The following PCDHA4 variants were observed in gnomAD, a reference collection of about 807,000 sequenced individuals.
The protein encoded by PCDHA4 is protocadherin alpha-4.
PCDHA4 carries 49 observed loss-of-function variants against 61.4 expected under a neutral mutation model. The observed-to-expected ratio is 0.80, with a 90% CI of 0.63 to 1.01. The LOEUF (loss-of-function observed/expected upper bound fraction) is 1.01, where lower values mean the gene tolerates loss of function less well. Ranked by LOEUF, PCDHA4 falls within the 50% of genes least tolerant of loss-of-function variation. PCDHA4 has a pLI of 0.00. For missense variants in PCDHA4, 1,254 were observed against 1,235.8 expected (o/e 1.01, Z -0.22); for synonymous variants, 590 against 550.3 (o/e 1.07, Z -1.01).
At chr5:140,844,914 A>G (rs1779618781) in intron 1 of PCDHA4, among the ~76,000 whole-genome samples, 1 of 149,422 alleles carries the variant, frequency 6.7e-6, no homozygotes, top group African/African-American at 2.5e-5. Context: ...AATGGTAGAA[A>G]TTGATGGAAG....
intron 1 of PCDHA4, chr5:140,877,170 G>A (rs782615376): frequency 6.2e-7 from 1 of 1,613,712 alleles, no homozygotes. Flanking sequence ...CGGCACTGCT[G>A]GCGACTCCGG....
rs1413393487 is a variant in PCDHA4, at chr5:140,941,341, G to T, written c.2386-37608G>T. On this transcript the variant is annotated intron_variant, in intron 1 of 3. Coordinates refer to ENST00000530339, the MANE Select transcript of PCDHA4 (RefSeq NM_018907.4). ...TCTCTTTTTTTTTTTTTTTCAGATG[G>T]AGTCTTGCTCTGTTGCCTAGGCTGG... Among the ~76,000 whole-genome samples the T allele has an allele frequency of 2.5e-5, 3 of 119,500 alleles. No homozygotes were observed. The East Asian group carries it at 8.2e-4, about 33-fold the overall frequency. 78.4% of individuals were successfully genotyped at this position (119,500 alleles called of 152,430 possible).
chr5:140,857,383 C>T (rs781834606), intron 1 of PCDHA4: 2 of 1,598,150 alleles, frequency 1.3e-6, no homozygotes, highest in Admixed American at 1.7e-5. Context: ...TGGAGGTGGC[C>T]GACGTGAACG....
intron 1 of PCDHA4, chr5:140,821,815 C>T (rs2150110847): frequency 5.4e-5 from 87 of 1,613,842 alleles, no homozygotes; most frequent in Non-Finnish European, 6.0e-5. Flanking sequence ...ATCCCGGCTC[C>T]TGCTGCTCTG....
At chr5:141,007,933 A>T (rs1168610845) in intron 3 of PCDHA4, among the ~76,000 whole-genome samples, 1 of 152,212 alleles carries the variant, frequency 6.6e-6, no homozygotes, top group African/African-American at 2.4e-5. Context: ...TGGAATTCTA[A>T]GCCACCTTTT....
rs2150177047 is a variant in PCDHA4, at chr5:140,829,888, C to A, written c.2385+20316C>A. 3 of 1,613,910 alleles carry A rather than the reference C, an allele frequency of 1.9e-6. No homozygotes were observed. The South Asian group carries it at 3.3e-5, about 18-fold the overall frequency. On this transcript the variant is annotated intron_variant, in intron 1 of 3. Transcript: ENST00000530339. ...TGGCGAAGGTGCGCGCAGTTGACGCCGACTCAGGCTACAACGCGTGGCTTT... is the reference window on the plus strand; with the variant it reads ...TGGCGAAGGTGCGCGCAGTTGACGCAGACTCAGGCTACAACGCGTGGCTTT...
chr5:140,906,611 C>T (rs2072787341), intron 1 of PCDHA4, among the ~76,000 whole-genome samples: 1 of 152,196 alleles, frequency 6.6e-6, no homozygotes, highest in Non-Finnish European at 1.5e-5. Flanking sequence ...ATTCTGTATT[C>T]CCTTTGCCTT....
At chr5:140,848,693 G>C in intron 1 of PCDHA4, 1 of 1,592,386 alleles carries the variant, frequency 6.3e-7, no homozygotes, top group Non-Finnish European at 8.6e-7. Context: ...TGTTCCAGTT[G>C]GATTCCAAAG....
At chr5:140,881,025 C>A (rs1554171683) in intron 1 of PCDHA4, among the ~76,000 whole-genome samples, 1 of 152,216 alleles carries the variant, frequency 6.6e-6, no homozygotes, top group Admixed American at 6.5e-5. Context: ...ATAAACCCAA[C>A]AGTCATTTCC....
chr5:140,836,131 G>A (rs1554135629), intron 1 of PCDHA4: 2 of 1,613,752 alleles, frequency 1.2e-6, no homozygotes, highest in Admixed American at 1.7e-5. Context: ...CTTGTGCCGC[G>A]GTCTGTGGGC....
intron 1 of PCDHA4, among the ~76,000 whole-genome samples, chr5:140,973,636 T>C (rs535388717): frequency 6.6e-6 from 1 of 152,234 alleles, no homozygotes; most frequent in Non-Finnish European, 1.5e-5. Flanking sequence ...CTTGTACACA[T>C]TCTGACTGAA....
intron 1 of PCDHA4, among the ~76,000 whole-genome samples, chr5:140,974,046 GATA>G (rs1554235775): frequency 6.6e-6 from 1 of 152,184 alleles, no homozygotes; most frequent in African/African-American, 2.4e-5. Context: ...TTATTAATAT[GATA>G]ATATTTGGAG....
At chr5:140,836,468 T>G (rs1227457835) in intron 1 of PCDHA4, 1 of 1,613,696 alleles carries the variant, frequency 6.2e-7, no homozygotes, top group African/African-American at 1.3e-5. Flanking sequence ...AGCTGGTGGA[T>G]GTCAACGTGT....
intron 1 of PCDHA4, chr5:140,868,295 T>C (rs569295401): frequency 6.6e-6 from 1 of 152,272 alleles, no homozygotes; most frequent in African/African-American, 2.4e-5. Context: ...AGAATATGAA[T>C]ATATTTGTTT....
At chr5:140,872,797 C>T (rs2153276720) in intron 1 of PCDHA4, among the ~76,000 whole-genome samples, 1 of 152,196 alleles carries the variant, frequency 6.6e-6, no homozygotes, top group South Asian at 2.1e-4. Flanking sequence ...AGTTGGCATT[C>T]TTCCATAAGT....
intron 1 of PCDHA4, among the ~76,000 whole-genome samples, chr5:140,890,847 C>A (rs2062829860): frequency 1.3e-5 from 2 of 152,148 alleles, no homozygotes. Flanking sequence ...AGTTTTGTTT[C>A]TCTTCCTTAC....
intron 1 of PCDHA4, among the ~76,000 whole-genome samples, chr5:140,873,139 A>G (rs1325307438): frequency 6.6e-6 from 1 of 152,216 alleles, no homozygotes; most frequent in Non-Finnish European, 1.5e-5. Context: ...TCTATGCTGA[A>G]GCCTATTCAT....
At chr5:140,895,666 T>A (rs538311323) in intron 1 of PCDHA4, among the ~76,000 whole-genome samples, 24 of 152,288 alleles carry the variant, frequency 1.6e-4, no homozygotes, top group African/African-American at 5.8e-4. Context: ...AGTGAGAACA[T>A]GTAGTATTTG....
intron 1 of PCDHA4, chr5:140,835,547 C>A: frequency 1.2e-6 from 2 of 1,613,960 alleles, no homozygotes; most frequent in Non-Finnish European, 1.7e-6. Context: ...TTACCTGCTC[C>A]CTGACGCCCC....
Sources: gnomAD v4.1 joint callset for allele counts (sites outside exome capture counted in the v4.1 genomes callset) on GRCh38, gnomAD v4.1.1 for gene constraint, MANE v1.5 for transcripts, NCBI Gene and HGNC (gene_info 2026-07-23, HGNC 2026-07-21) for gene names.